The following CASZ1 variants were observed in gnomAD, a reference collection of about 807,000 sequenced individuals.
CASZ1 encodes castor zinc finger 1, also known as zinc finger protein castor homolog 1.
A neutral mutation model predicts 135.2 loss-of-function variants in CASZ1; 28 were observed. The observed-to-expected ratio is 0.21, with a 90% CI of 0.15 to 0.28. The LOEUF is 0.28. CASZ1 is among the 10% of genes least tolerant of loss of function. CASZ1 has a pLI of 1.00. For synonymous variants in CASZ1, 1,068 were observed against 1,073.4 expected (o/e 0.99, Z 0.10); for missense variants, 2,161 against 2,453.3 (o/e 0.88, Z 2.52).
At chr1:10,730,565 CAG>C (rs1348704882) in intron 2 of CASZ1, among the ~76,000 whole-genome samples, 2 of 152,162 alleles carry the variant, frequency 1.3e-5, no homozygotes, top group African/African-American at 4.8e-5. Flanking sequence ...GAGTGACTGA[CAG>C]ACAAATTGTG....
rs1218990211 is a variant in CASZ1, at chr1:10,657,166, C to T, written c.1410-430G>A. Among the ~76,000 whole-genome samples, 6 of 152,242 alleles carry T rather than the reference C, an allele frequency of 3.9e-5. No homozygotes were observed. The highest frequency in any genetic ancestry group is 1.2e-4 in the African/African-American group (5 of 41,464). The stretch of plus-strand genomic sequence containing the variant: ...GTTAAAGGGCTCTCTCTGTCCTGGG[C>T]TTTTCCTGACACTTGAAACAGTGCA... On this transcript the variant is annotated intron_variant, in intron 7 of 20. Transcript: ENST00000377022. The surrounding 1 kb of genome is among the most constrained non-coding windows in gnomAD (Gnocchi z 5.7).
intron 2 of CASZ1, among the ~76,000 whole-genome samples, chr1:10,712,890 C>T (rs745561578): frequency 6.6e-6 from 1 of 152,222 alleles, no homozygotes; most frequent in African/African-American, 2.4e-5. Context: ...CAACAAGCGC[C>T]CCTCTGGATG....
At chr1:10,731,035 G>A (rs1639694058) in intron 2 of CASZ1, among the ~76,000 whole-genome samples, 1 of 152,084 alleles carries the variant, frequency 6.6e-6, no homozygotes, top group Non-Finnish European at 1.5e-5. Flanking sequence ...GAACCCGGGA[G>A]GCAGAAGTTG....
intron 4 of CASZ1, among the ~76,000 whole-genome samples, chr1:10,690,617 C>T (rs1189722953): frequency 6.6e-6 from 1 of 152,192 alleles, no homozygotes; most frequent in Non-Finnish European, 1.5e-5. Context: ...TCCCATTGAC[C>T]CGCCTCGACG....
Position 10,651,003 on chromosome 1 carries a change from G to C in CASZ1, c.2754C>G (p.Gly918=). 1 of 1,570,634 alleles carries C rather than the reference G, an allele frequency of 6.4e-7. No homozygotes were observed. Among genetic ancestry groups the C allele is most frequent in the Non-Finnish European group, 8.6e-7 (1 of 1,167,750 alleles). ...QVKPEPGEST[G]APGPHEASQD... ...GGGAGGCTTCGTGGGGGCCTGGGGC[G>C]CCGGTGCTCTCACCGGGTTCCGGCT... is the stretch of plus-strand genomic sequence containing the variant. Residue 918 remains glycine, a synonymous_variant, in exon 12 of 21, where the codon GGC becomes GGG. Transcript: ENST00000377022.
chr1:10,729,062 G>C (rs1639649175), intron 2 of CASZ1, among the ~76,000 whole-genome samples: 1 of 152,116 alleles, frequency 6.6e-6, no homozygotes, highest in Admixed American at 6.5e-5. Flanking sequence ...TGCCATGCTG[G>C]GGGAGGCGGT....
chr1:10,765,120 C>T (rs750645937), intron 1 of CASZ1, among the ~76,000 whole-genome samples: 13 of 152,144 alleles, frequency 8.5e-5, no homozygotes, highest in African/African-American at 2.7e-4. Context: ...ACATCAGCCA[C>T]GGAGACGCGG....
chr1:10,655,530 C>T, intron 9 of CASZ1, 119 bp downstream of exon 9: 1 of 954,782 alleles, frequency 1.0e-6, no homozygotes, highest in Non-Finnish European at 1.5e-6. Flanking sequence ...AAGAGAGGCT[C>T]CTGATCAACT....
intron 1 of CASZ1, among the ~76,000 whole-genome samples, chr1:10,783,460 G>A (rs1640799914): frequency 6.6e-6 from 1 of 152,048 alleles, no homozygotes; most frequent in South Asian, 2.1e-4. Flanking sequence ...GAAAGGATGT[G>A]AGGGGGTGGG....
intron 20 of CASZ1, among the ~76,000 whole-genome samples, chr1:10,640,565 G>A (rs1460747327): frequency 1.3e-5 from 2 of 152,198 alleles, no homozygotes; most frequent in African/African-American, 4.8e-5. Flanking sequence ...CTCACAGTAG[G>A]GGTGCCAAGT....
Position 10,777,289 on chromosome 1 carries a change from G to A in CASZ1, c.-233-16432C>T, listed in dbSNP as rs953943507. On this transcript the variant is annotated intron_variant, in intron 1 of 20. Coordinates refer to ENST00000377022, the MANE Select transcript of CASZ1 (RefSeq NM_001079843.3). The surrounding 1 kb of genome is among the most constrained non-coding windows in gnomAD (Gnocchi z 4.4). ...GGACAGGACAAGGACCGCAGGGTTG[G>A]GACCCCTATGAGGACCACGGAGAGG... Among the ~76,000 whole-genome samples, 6 of 152,150 alleles carry A rather than the reference G, an allele frequency of 3.9e-5. No individual in the cohort carries two copies. The highest frequency in any genetic ancestry group is 3.9e-4 in the Admixed American group (6 of 15,278).
intron 2 of CASZ1, among the ~76,000 whole-genome samples, chr1:10,731,104 T>TAA (rs35951654): frequency 0.57 from 84,374 of 149,312 alleles, 24,542 homozygotes; most frequent in Non-Finnish European, 0.65. Flanking sequence ...AGACTCCGTC[T>TAA]AAAAAAAAAA....
chr1:10,650,473 CA>C (rs1642531642), intron 13 of CASZ1: 6 of 469,380 alleles, frequency 1.3e-5, no homozygotes, highest in South Asian at 4.5e-5. Context: ...AAAAAGGTGT[CA>C]GAGGCTGGAA....
chr1:10,643,448 C>G (rs1642271537), intron 18 of CASZ1, 137 bp from the exon 19 acceptor site: 5 of 942,786 alleles, frequency 5.3e-6, no homozygotes, highest in Non-Finnish European at 6.3e-6. Context: ...GGGCGCTGAG[C>G]CGAGGTGGCA....
Position 10,639,061 on chromosome 1 carries a change from C to A in CASZ1, c.5161G>T (p.Glu1721Ter), listed in dbSNP as rs1372435001. ...TCCGCCGCCGCCTCGGGCAGCGACTCCTCCGAGTCGGTGCGCAGGTCCTCG... is the reference window on the plus strand; with the variant it reads ...TCCGCCGCCGCCTCGGGCAGCGACTACTCCGAGTCGGTGCGCAGGTCCTCG... ...DDEDLRTDSE[E>*]SLPEAAAEAA... The change falls in exon 21 of 21, where the codon GAG becomes TAG. Residue 1721 changes from glutamate (E) to a stop codon, truncating the protein, a stop_gained. Transcript: ENST00000377022. LOFTEE classifies it high-confidence loss of function. This position sits in a 1 kb window ranked among gnomAD's most constrained non-coding sequence, Gnocchi z 4.0. 7.2e-6 allele frequency: 8 copies of A among 1,113,096 alleles called. No individual in the cohort carries two copies. The highest frequency in any genetic ancestry group is 5.1e-5 in the African/African-American group (3 of 58,856). The allele number at this position is 1,113,096 out of a possible 1,614,324, so 69.0% of individuals were successfully genotyped here.
At chr1:10,765,202 A>T (rs1640451570) in intron 1 of CASZ1, among the ~76,000 whole-genome samples, 1 of 152,052 alleles carries the variant, frequency 6.6e-6, no homozygotes, top group Non-Finnish European at 1.5e-5. Context: ...GGCGCCTATC[A>T]TCTCCCTGCA....
At chr1:10,748,363 C>T (rs148982439) in intron 2 of CASZ1, among the ~76,000 whole-genome samples, 3 of 152,174 alleles carry the variant, frequency 2.0e-5, no homozygotes, top group Non-Finnish European at 4.4e-5. Flanking sequence ...CAGACGTTAG[C>T]GACGACAAAT....
chr1:10,684,255 T>C (rs1041306364), intron 4 of CASZ1, among the ~76,000 whole-genome samples: 3 of 151,928 alleles, frequency 2.0e-5, no homozygotes, highest in African/African-American at 7.3e-5. Context: ...CTGTGATATG[T>C]TTGGGGGGAG....
rs567167764 is a variant in CASZ1 at position 10,767,285 on chromosome 1, A to G, written c.-233-6428T>C. ...GACCCTTCCCTCTACCCAGGCAGGC[A>G]TCTCCAGAATCAGGAAGTCCCTGGA... is the stretch of plus-strand genomic sequence containing the variant. On this transcript the variant is annotated intron_variant, in intron 1 of 20. Coordinates refer to ENST00000377022, the MANE Select transcript of CASZ1 (RefSeq NM_001079843.3). This position sits in a 1 kb window ranked among gnomAD's most constrained non-coding sequence, Gnocchi z 4.2. 3.3e-5 allele frequency among the ~76,000 whole-genome samples: 5 copies of G among 152,340 alleles called. 1 individual carries two copies. The South Asian group carries it at 6.2e-4, about 19-fold the overall frequency.
Sources: allele counts gnomAD v4.1 joint callset (sites outside exome capture counted in the v4.1 genomes callset), GRCh38; gene constraint gnomAD v4.1.1; non-coding constraint Gnocchi (gnomAD v3.1); transcripts MANE v1.5; gene names NCBI Gene and HGNC (gene_info 2026-07-23, HGNC 2026-07-21).